The following LIN28B variants were observed in gnomAD, a reference collection of about 807,000 sequenced individuals.
The protein encoded by LIN28B is protein lin-28 homolog B.
In LIN28B, 5 loss-of-function variants were observed where a neutral mutation model predicts 21.9. That is an observed-to-expected ratio of 0.23 (90% CI 0.12 to 0.48). The LOEUF is 0.48. Among genes scored for constraint, LIN28B ranks in the 20% least tolerant of loss-of-function variants. The pLI is 0.98. For synonymous variants in LIN28B, 109 were observed against 111.3 expected (o/e 0.98, Z 0.13); for missense variants, 245 against 310.5 (o/e 0.79, Z 1.58).
intron 2 of LIN28B, among the ~76,000 whole-genome samples, chr6:104,991,947 G>A (rs1040851500): frequency 2.0e-5 from 3 of 151,810 alleles, no homozygotes; most frequent in East Asian, 1.9e-4. Context: ...TGCAGTGAGC[G>A]GAGATGGCAG....
At chr6:104,986,229 C>A (rs923630108) in intron 2 of LIN28B, among the ~76,000 whole-genome samples, 1 of 152,108 alleles carries the variant, frequency 6.6e-6, no homozygotes, top group Admixed American at 6.5e-5. Context: ...GAGGCCTCCC[C>A]AGCTATGCTT....
chr6:104,953,435 T>A (rs1778245809), upstream of LIN28B, among the ~76,000 whole-genome samples: 1 of 152,198 alleles, frequency 6.6e-6, no homozygotes, highest in Admixed American at 6.5e-5. Flanking sequence ...GATATACGTC[T>A]GGAAATTCAG....
chr6:105,009,281 T>G (rs1262944930), intron 2 of LIN28B, among the ~76,000 whole-genome samples: 63 of 152,198 alleles, frequency 4.1e-4, no homozygotes, highest in Admixed American at 4.1e-3. Context: ...TGTTATATGT[T>G]ACAGATTTTA....
At chr6:105,068,326 A>G (rs1249764707) in intron 3 of LIN28B, among the ~76,000 whole-genome samples, 2 of 152,206 alleles carry the variant, frequency 1.3e-5, no homozygotes, top group Non-Finnish European at 2.9e-5. Context: ...ATTTGATTCT[A>G]TGAAAATGAT....
intron 3 of LIN28B, among the ~76,000 whole-genome samples, chr6:105,053,178 T>A (rs1562107873): frequency 6.6e-6 from 1 of 152,344 alleles, no homozygotes; most frequent in East Asian, 1.9e-4. Flanking sequence ...TCTAACTTAA[T>A]TCTCTTGTGG....
Position 104,957,107 on chromosome 6 carries a change from C to G in LIN28B, c.-144C>G. 6.4e-7 allele frequency: 1 copy of G among 1,562,780 alleles called. No homozygotes were observed. Among genetic ancestry groups the G allele is most frequent in the Non-Finnish European group, 8.7e-7 (1 of 1,154,920 alleles). On this transcript the variant is annotated 5_prime_UTR_variant, in exon 1 of 4. Transcript: ENST00000345080. ...AACTGGAGAGAGGAGAGAAAAAAAT[C>G]AAAAGAAGGAAAGCACATTAGACCA...
intron 2 of LIN28B, among the ~76,000 whole-genome samples, chr6:105,013,740 T>C (rs1770969822): frequency 6.6e-6 from 1 of 151,452 alleles, no homozygotes; most frequent in South Asian, 2.1e-4. Flanking sequence ...AAAAAAAAAA[T>C]TTACATTTTG....
intron 2 of LIN28B, among the ~76,000 whole-genome samples, chr6:104,960,598 A>G (rs976728398): frequency 1.3e-5 from 2 of 151,898 alleles, no homozygotes; most frequent in African/African-American, 2.4e-5. Flanking sequence ...TTGGAAGTAC[A>G]TGTGTCACTG....
upstream of LIN28B, chr6:104,956,951 A>G (rs751035161): frequency 1.9e-4 from 103 of 549,114 alleles, 1 homozygote; most frequent in Non-Finnish European, 1.8e-4. Context: ...TTCATAAATT[A>G]TTTTGATGTC....
At chr6:104,992,908 C>T (rs1216571355) in intron 2 of LIN28B, among the ~76,000 whole-genome samples, 4 of 152,002 alleles carry the variant, frequency 2.6e-5, no homozygotes, top group Admixed American at 6.6e-5. Flanking sequence ...TTACAGTGTG[C>T]GTCCTCAATT....
intron 2 of LIN28B, among the ~76,000 whole-genome samples, chr6:104,948,928 ATAGT>A (rs549603981): frequency 5.3e-5 from 8 of 152,340 alleles, no homozygotes; most frequent in African/African-American, 1.4e-4. Context: ...CCAAAAGCTA[ATAGT>A]TAGAGCTCTT....
intron 2 of LIN28B, among the ~76,000 whole-genome samples, chr6:105,017,249 T>G (rs938900472): frequency 6.6e-6 from 1 of 151,982 alleles, no homozygotes; most frequent in African/African-American, 2.4e-5. Context: ...AACTCAGTAA[T>G]GTATAGATAT....
intron 3 of LIN28B, among the ~76,000 whole-genome samples, chr6:105,050,048 TGTTAGCTGGTTATTTTGCTC>T (rs1313177960): frequency 1.3e-5 from 2 of 152,152 alleles, no homozygotes; most frequent in East Asian, 3.9e-4. Flanking sequence ...GTCATTATGA[TGTTAGCTGGTTATTTTGCTC>T]GTTAGTTGAT....
intron 2 of LIN28B, among the ~76,000 whole-genome samples, chr6:104,965,464 A>G (rs1003303878): frequency 3.9e-5 from 6 of 152,228 alleles, no homozygotes; most frequent in African/African-American, 1.4e-4. Flanking sequence ...CAGAGGCCAC[A>G]ATGAGCTGAG....
chr6:105,042,244 G>A (rs1236714151), intron 3 of LIN28B, among the ~76,000 whole-genome samples: 2 of 152,078 alleles, frequency 1.3e-5, no homozygotes, highest in African/African-American at 4.8e-5. Context: ...AAAAATAACT[G>A]ATACACATAA....
chr6:104,949,682 T>C (rs1778197568), intron 2 of LIN28B, among the ~76,000 whole-genome samples: 1 of 152,140 alleles, frequency 6.6e-6, no homozygotes, highest in Non-Finnish European at 1.5e-5. Flanking sequence ...TTGCAAACCT[T>C]AATAACTGAC....
chr6:104,987,511 A>AT (rs1455294322), intron 2 of LIN28B, among the ~76,000 whole-genome samples: 1 of 151,708 alleles, frequency 6.6e-6, no homozygotes, highest in Non-Finnish European at 1.5e-5. Flanking sequence ...GCCCAGCCAA[A>AT]TTTTTTTATT....
chr6:104,950,397 G>A lies in LIN28B; in HGVS notation c.19-64G>A, dbSNP rs557118993. On this transcript the variant is annotated intron_variant, in intron 2 of 5. Coordinates refer to the LIN28B transcript ENST00000635857. ...TTTTATTGCTTTCTAATGGCCATTA[G>A]GATGAAGAAGAGGCAATTAAATAGG... 9.0e-5 allele frequency: 77 copies of A among 857,628 alleles called. No individual in the cohort carries two copies. In the African/African-American group the frequency reaches 1.3e-3, roughly 14 times the overall value. 53.1% of individuals were successfully genotyped at this position (857,628 alleles called of 1,614,324 possible). A position where few individuals can be genotyped will look rare whatever the true frequency, so the allele number is the denominator to read the frequency against.
chr6:104,960,419 G>A (rs1769709319), intron 2 of LIN28B, among the ~76,000 whole-genome samples: 1 of 151,952 alleles, frequency 6.6e-6, no homozygotes, highest in Non-Finnish European at 1.5e-5. Flanking sequence ...TATTTTAGAG[G>A]CCTTTTTAGT....
Sources: allele counts gnomAD v4.1 joint callset (sites outside exome capture counted in the v4.1 genomes callset), GRCh38; gene constraint gnomAD v4.1.1; transcripts MANE v1.5; gene names NCBI Gene and HGNC (gene_info 2026-07-23, HGNC 2026-07-21).